Variants in ABTB3 observed in about 807,000 individuals in gnomAD.
ABTB3 encodes ankyrin repeat and BTB domain containing 3.
the ABTB3 span, among the ~76,000 whole-genome samples, chr12:107,641,701 A>G: frequency 1.3e-5 from 2 of 152,302 alleles, no homozygotes; most frequent in Admixed American, 1.3e-4. Context: ...CCCTGCCCTC[A>G]TGGAGCAAAA....
chr12:107,644,171 C>A, the ABTB3 span, among the ~76,000 whole-genome samples: 2 of 152,194 alleles, frequency 1.3e-5, no homozygotes, highest in Non-Finnish European at 2.9e-5. Flanking sequence ...TTGAACCCAG[C>A]CTTCCTGGTA....
chr12:107,606,142 T>C, the ABTB3 span, among the ~76,000 whole-genome samples: 1 of 152,094 alleles, frequency 6.6e-6, no homozygotes, highest in Non-Finnish European at 1.5e-5. Flanking sequence ...GGGGGTCAGG[T>C]CAAAACCTGG....
the ABTB3 span, among the ~76,000 whole-genome samples, chr12:107,487,846 A>C: frequency 6.6e-6 from 1 of 152,160 alleles, no homozygotes; most frequent in Non-Finnish European, 1.5e-5. Flanking sequence ...TTTGATCACC[A>C]TCAACTGAGT....
At chr12:107,409,297 C>T in the ABTB3 span, among the ~76,000 whole-genome samples, 6 of 152,214 alleles carry the variant, frequency 3.9e-5, no homozygotes, top group Non-Finnish European at 7.3e-5. Flanking sequence ...AATATAGGGC[C>T]TCTCCTGTGG....
At chr12:107,524,757 T>C in the ABTB3 span, among the ~76,000 whole-genome samples, 1 of 152,210 alleles carries the variant, frequency 6.6e-6, no homozygotes, top group Admixed American at 6.5e-5. Context: ...ACCACTAAAC[T>C]ACACTCCCTC....
At chr12:107,629,307 C>T in the ABTB3 span, among the ~76,000 whole-genome samples, 5 of 152,154 alleles carry the variant, frequency 3.3e-5, no homozygotes, top group African/African-American at 9.7e-5. Flanking sequence ...CCTGTAGTCT[C>T]ACCTACCTGG....
At chr12:107,391,386 G>A in the ABTB3 span, among the ~76,000 whole-genome samples, 2,329 of 152,226 alleles carry the variant, frequency 0.015, 77 homozygotes, top group African/African-American at 0.053. Flanking sequence ...TGTAAGGGAG[G>A]CTGATTTAGA....
the ABTB3 span, among the ~76,000 whole-genome samples, chr12:107,425,628 C>T: frequency 6.6e-6 from 1 of 152,178 alleles, no homozygotes; most frequent in African/African-American, 2.4e-5. Context: ...TTTCATGGAC[C>T]TCCCGGGTGA....
the ABTB3 span, among the ~76,000 whole-genome samples, chr12:107,434,124 A>T: frequency 1.3e-5 from 2 of 152,376 alleles, no homozygotes; most frequent in Admixed American, 1.3e-4. Flanking sequence ...AACACTGACC[A>T]CCATGGGTGA....
At chr12:107,572,523 G>A in the ABTB3 span, among the ~76,000 whole-genome samples, 8 of 152,264 alleles carry the variant, frequency 5.3e-5, no homozygotes, top group East Asian at 1.6e-3. Flanking sequence ...ACTCCCTGAA[G>A]ATGGGGAACT....
chr12:107,430,015 G>T, the ABTB3 span, among the ~76,000 whole-genome samples: 1 of 152,146 alleles, frequency 6.6e-6, no homozygotes, highest in Non-Finnish European at 1.5e-5. Flanking sequence ...ATCACCTTTG[G>T]TATTTGTGTG....
the ABTB3 span, among the ~76,000 whole-genome samples, chr12:107,392,060 A>G: frequency 6.6e-6 from 1 of 152,192 alleles, no homozygotes. Context: ...CTATAAACAG[A>G]CTGGCAATAC....
the ABTB3 span, among the ~76,000 whole-genome samples, chr12:107,453,050 G>A: frequency 2.6e-5 from 4 of 152,266 alleles, no homozygotes; most frequent in African/African-American, 9.6e-5. Context: ...TAGAGAAAGG[G>A]TCAGCTATGG....
At chr12:107,600,636 T>A in the ABTB3 span, among the ~76,000 whole-genome samples, 1 of 152,196 alleles carries the variant, frequency 6.6e-6, no homozygotes, top group Non-Finnish European at 1.5e-5. Context: ...ATGGTGGGCT[T>A]CAGGAATCTT....
chr12:107,400,022 C>G, the ABTB3 span, among the ~76,000 whole-genome samples: 1 of 152,148 alleles, frequency 6.6e-6, no homozygotes, highest in African/African-American at 2.4e-5. Flanking sequence ...CAAACTCATT[C>G]TTTTTTATGA....
the ABTB3 span, among the ~76,000 whole-genome samples, chr12:107,530,660 C>A: frequency 6.6e-6 from 1 of 152,044 alleles, no homozygotes. Context: ...TTTGGTATTG[C>A]AGTTCTATGT....
At chr12:107,397,166 G>T in the ABTB3 span, among the ~76,000 whole-genome samples, 1,564 of 152,258 alleles carry the variant, frequency 0.01, 61 homozygotes, top group East Asian at 0.11. Flanking sequence ...GGGCGTGAAC[G>T]TTTGCAGCTT....
chr12:107,610,933 G>C, the ABTB3 span, among the ~76,000 whole-genome samples: 2 of 152,174 alleles, frequency 1.3e-5, no homozygotes. Flanking sequence ...AAAACAAACA[G>C]CAGTTATAAA....
chr12:107,556,733 G>A, the ABTB3 span, among the ~76,000 whole-genome samples: 6 of 152,042 alleles, frequency 3.9e-5, no homozygotes, highest in African/African-American at 1.4e-4. Flanking sequence ...ATAGTGGGCC[G>A]GGCATGGTGG....
Sources: allele counts gnomAD v4.1 joint callset (sites outside exome capture counted in the v4.1 genomes callset), GRCh38; gene constraint gnomAD v4.1.1; transcripts MANE v1.5; gene names NCBI Gene and HGNC (gene_info 2026-07-23, HGNC 2026-07-21).